Variants in MAGI2 observed in about 807,000 individuals in gnomAD.
MAGI2 encodes membrane-associated guanylate kinase, WW and PDZ domain-containing protein 2.
In MAGI2, 35 loss-of-function variants were observed where a neutral mutation model predicts 133.3. The observed-to-expected ratio is 0.26, with a 90% CI of 0.20 to 0.35. The LOEUF is 0.35. MAGI2 is among the 10% of genes least tolerant of loss of function. The pLI, the probability that MAGI2 is intolerant of heterozygous loss-of-function variation, is 1.00. For missense variants in MAGI2, 1,636 were observed against 1,863.4 expected (o/e 0.88, Z 2.25); for synonymous variants, 729 against 710.6 (o/e 1.03, Z -0.41).
At chr7:78,894,761 T>C (rs927488008) in intron 2 of MAGI2, among the ~76,000 whole-genome samples, 10 of 152,178 alleles carry the variant, frequency 6.6e-5, no homozygotes, top group Admixed American at 2.0e-4. Flanking sequence ...TGAATTCAAG[T>C]GTTCAAAGTA....
At chr7:78,125,449 T>C (rs1039367770) in intron 20 of MAGI2, among the ~76,000 whole-genome samples, 1 of 152,232 alleles carries the variant, frequency 6.6e-6, no homozygotes, top group African/African-American at 2.4e-5. Context: ...TTCTTTCATT[T>C]GCTCTTTAGA....
intron 9 of MAGI2, among the ~76,000 whole-genome samples, chr7:78,275,858 T>G (rs1795011401): frequency 1.4e-5 from 2 of 147,322 alleles, no homozygotes; most frequent in Admixed American, 6.6e-5. Flanking sequence ...TGACTGTAAA[T>G]AAATCAGTTC....
chr7:79,287,824 A>C (rs1836136807), intron 1 of MAGI2, among the ~76,000 whole-genome samples: 1 of 152,160 alleles, frequency 6.6e-6, no homozygotes, highest in Non-Finnish European at 1.5e-5. Flanking sequence ...GTATATGATT[A>C]ATCTATTAGT....
chr7:79,070,416 A>G (rs748628295), intron 1 of MAGI2, among the ~76,000 whole-genome samples: 4 of 151,580 alleles, frequency 2.6e-5, no homozygotes, highest in African/African-American at 7.3e-5. Flanking sequence ...ATACTTGTAT[A>G]TGCTTCACAA....
chr7:79,147,949 T>C (rs1822810560), intron 1 of MAGI2, among the ~76,000 whole-genome samples: 1 of 152,124 alleles, frequency 6.6e-6, no homozygotes, highest in Admixed American at 6.5e-5. Flanking sequence ...CTGACATAAA[T>C]TATGAAACAT....
chr7:79,417,888 C>A (rs6466639), intron 1 of MAGI2, among the ~76,000 whole-genome samples: 37,577 of 151,428 alleles, frequency 0.25, 6,632 homozygotes, highest in African/African-American at 0.51. Flanking sequence ...ACAACAACTA[C>A]CCCCCCAAAT....
chr7:78,874,411 C>G (rs1056772575), intron 2 of MAGI2, among the ~76,000 whole-genome samples: 1 of 152,148 alleles, frequency 6.6e-6, no homozygotes, highest in Non-Finnish European at 1.5e-5. Flanking sequence ...AGATAGGGTT[C>G]TGGCTTTTGG....
intron 1 of MAGI2, among the ~76,000 whole-genome samples, chr7:79,070,189 C>T (rs952143916): frequency 6.6e-6 from 1 of 152,110 alleles, no homozygotes; most frequent in African/African-American, 2.4e-5. Context: ...GGATAATATC[C>T]TGAAGAGTGT....
At chr7:79,122,251 C>T (rs377087305) in intron 1 of MAGI2, among the ~76,000 whole-genome samples, 79 of 152,252 alleles carry the variant, frequency 5.2e-4, no homozygotes, top group African/African-American at 1.9e-3. Context: ...TATGGAACGA[C>T]CCAGAGCCAA....
intron 2 of MAGI2, among the ~76,000 whole-genome samples, chr7:78,683,190 G>A (rs1296575746): frequency 6.6e-6 from 1 of 152,154 alleles, no homozygotes. Flanking sequence ...GAGTTTTTGT[G>A]AGTAGAGCAG....
chr7:78,282,253 G>GTTC (rs1253416391), intron 9 of MAGI2, among the ~76,000 whole-genome samples: 2 of 152,030 alleles, frequency 1.3e-5, no homozygotes, highest in Non-Finnish European at 2.9e-5. Flanking sequence ...CCCTGTCCTG[G>GTTC]TTCTTCTACC....
chr7:79,414,787 T>C (rs1019902013), intron 1 of MAGI2: 1 of 152,252 alleles, frequency 6.6e-6, no homozygotes, highest in Admixed American at 6.5e-5. Context: ...AGAGTGTCCT[T>C]CCCTTTGTTG....
chr7:78,897,698 T>C (rs549933973), intron 2 of MAGI2, among the ~76,000 whole-genome samples: 3 of 152,366 alleles, frequency 2.0e-5, no homozygotes, highest in Admixed American at 1.3e-4. Context: ...AGGAGTAGCA[T>C]TGAATCTATG....
At chr7:78,023,301 T>C (rs994374964) in intron 21 of MAGI2, among the ~76,000 whole-genome samples, 2 of 152,228 alleles carry the variant, frequency 1.3e-5, no homozygotes, top group African/African-American at 4.8e-5. Flanking sequence ...GAGTTCAATT[T>C]AGTTCTGCTT....
At chr7:79,203,737 T>C (rs867766280) in intron 1 of MAGI2, among the ~76,000 whole-genome samples, 1 of 152,016 alleles carries the variant, frequency 6.6e-6, no homozygotes, top group South Asian at 2.1e-4. Context: ...TAAAAATATT[T>C]AAGCCGCCAC....
At chr7:78,992,474 T>G (rs970522729) in intron 2 of MAGI2, among the ~76,000 whole-genome samples, 17 of 152,046 alleles carry the variant, frequency 1.1e-4, no homozygotes, top group Non-Finnish European at 2.5e-4. Flanking sequence ...ACTGACCATT[T>G]TTTTTTGCAT....
At chr7:78,953,636 C>T (rs948648898) in intron 2 of MAGI2, among the ~76,000 whole-genome samples, 7 of 152,142 alleles carry the variant, frequency 4.6e-5, no homozygotes, top group African/African-American at 1.7e-4. Flanking sequence ...AATTAATCTT[C>T]GTAACAACAA....
intron 2 of MAGI2, among the ~76,000 whole-genome samples, chr7:78,862,594 T>C (rs1181834225): frequency 1.3e-5 from 2 of 152,238 alleles, no homozygotes; most frequent in Non-Finnish European, 2.9e-5. Flanking sequence ...ATATCTATTT[T>C]CTAATTTCAT....
Position 78,856,475 on chromosome 7 carries a change from G to A in MAGI2, c.418+150615C>T, listed in dbSNP as rs1482424616. Among the ~76,000 whole-genome samples, 5 of 152,156 alleles carry A rather than the reference G, an allele frequency of 3.3e-5. 1 individual carries two copies. In the South Asian group the frequency reaches 1.0e-3, roughly 32 times the overall value. On this transcript the variant is annotated intron_variant, in intron 2 of 21. Coordinates refer to ENST00000354212, the MANE Select transcript of MAGI2 (RefSeq NM_012301.4). Reference sequence around the variant, plus strand: ...AGTTTCAGCTTTCTACATATAGCTAGCCAGTTTCCCCAGCACCATTTATTA... The same window carrying A: ...AGTTTCAGCTTTCTACATATAGCTAACCAGTTTCCCCAGCACCATTTATTA...
Sources: gnomAD v4.1 joint callset for allele counts (sites outside exome capture counted in the v4.1 genomes callset) on GRCh38, gnomAD v4.1.1 for gene constraint, MANE v1.5 for transcripts, NCBI Gene and HGNC (gene_info 2026-07-23, HGNC 2026-07-21) for gene names.